WASHC3: variants seen among roughly 807,000 people sequenced by gnomAD.
The protein encoded by WASHC3 is WASH complex subunit 3, also known as WASH complex subunit CCDC53.
In WASHC3, 24 loss-of-function variants were observed where a neutral mutation model predicts 26.1. That is an observed-to-expected ratio of 0.92 (90% CI 0.66 to 1.29). WASHC3 has a LOEUF of 1.29. Among genes scored for constraint, WASHC3 ranks in the 50% most tolerant of loss-of-function variants. The pLI, the probability that WASHC3 is intolerant of heterozygous loss-of-function variation, is 0.00. For missense variants in WASHC3, 214 were observed against 229.6 expected, an observed-to-expected ratio of 0.93 and a Z score of 0.44; for synonymous variants, 77 against 75.7, an observed-to-expected ratio of 1.02 and a Z score of -0.09.
intron 2 of WASHC3, 128 bp downstream of exon 2, chr12:102,061,120 C>T (rs1878792671): frequency 1.6e-6 from 1 of 641,140 alleles, no homozygotes; most frequent in East Asian, 2.7e-5. Context: ...GATGTGTTAA[C>T]ACAATTGGGT....
At chr12:102,061,836 G>T in intron 1 of WASHC3, 76 bp downstream of exon 1, 2 of 1,309,942 alleles carry the variant, frequency 1.5e-6, no homozygotes, top group Non-Finnish European at 2.1e-6. Context: ...TCGGAAGGTG[G>T]GTGTCTCCCC....
In WASHC3 at chr12:102,028,743, G is replaced by GATTATAAGAATAATAAGA. The variant is rs1249526296; in HGVS notation, c.436-2723_436-2706dup. On this transcript the variant is annotated intron_variant, in intron 5 of 6. Transcript: ENST00000240079. ...ATTTGAACATCAGCTTCATGGAATTGATTATAAGAATAATAAGAATTATAA... is the reference window on the plus strand; with the variant it reads ...ATTTGAACATCAGCTTCATGGAATTGATTATAAGAATAATAAGAATTATAAGAATAATAAGAATTATAA... Among the ~76,000 whole-genome samples the GATTATAAGAATAATAAGA allele has an allele frequency of 2.7e-5, 4 of 150,902 alleles. No homozygotes were observed. The East Asian group carries it at 7.8e-4, about 29-fold the overall frequency.
chr12:102,027,886 T>C (rs1325977257), intron 5 of WASHC3, among the ~76,000 whole-genome samples: 2 of 152,194 alleles, frequency 1.3e-5, no homozygotes, highest in East Asian at 1.9e-4. Flanking sequence ...CAGGTAAAAA[T>C]GAATACTTAA....
At chr12:102,056,659 T>C (rs1292184572) in intron 2 of WASHC3, among the ~76,000 whole-genome samples, 4 of 152,198 alleles carry the variant, frequency 2.6e-5, no homozygotes, top group Admixed American at 2.6e-4. Flanking sequence ...GCCAACAGAT[T>C]GGATAACCTA....
chr12:102,038,946 CATT>C (rs533868936), intron 5 of WASHC3, among the ~76,000 whole-genome samples: 14 of 151,150 alleles, frequency 9.3e-5, no homozygotes, highest in African/African-American at 1.9e-4. Flanking sequence ...TTTACAAAAG[CATT>C]ATTATTATTA....
In WASHC3 at chr12:102,047,048, C is replaced by T. The variant is rs149129060; in HGVS notation, c.151-929G>A. Among the ~76,000 whole-genome samples, 1,306 of 152,254 alleles carry T rather than the reference C, an allele frequency of 8.6e-3. 10 individuals carry two copies. The highest frequency in any genetic ancestry group is 0.011 in the Non-Finnish European group (770 of 68,012). ...AAACCAGATAGAAGAGCTTATCATG[C>T]TTGTTACTCTGTATAATTAAATTGT... On this transcript the variant is annotated intron_variant, in intron 2 of 6. Transcript: ENST00000240079.
At chr12:102,034,193 A>G (rs1477852972) in intron 5 of WASHC3, among the ~76,000 whole-genome samples, 2 of 152,116 alleles carry the variant, frequency 1.3e-5, no homozygotes, top group Non-Finnish European at 2.9e-5. Context: ...AGTTATACTC[A>G]AAGAATTGAA....
chr12:102,017,783 A>AT (rs1378860492), intron 6 of WASHC3: 5 of 436,878 alleles, frequency 1.1e-5, no homozygotes, highest in Admixed American at 5.2e-5. Flanking sequence ...GTCTGTCTTC[A>AT]TTTTTTTCTT....
chr12:102,020,099 A>C (rs1171561878), intron 6 of WASHC3, among the ~76,000 whole-genome samples: 1 of 152,240 alleles, frequency 6.6e-6, no homozygotes, highest in African/African-American at 2.4e-5. Context: ...CAATTCAAGC[A>C]GGGCTAGTCA....
intron 2 of WASHC3, among the ~76,000 whole-genome samples, chr12:102,049,032 A>G (rs757421113): frequency 1.3e-5 from 2 of 152,244 alleles, no homozygotes; most frequent in Non-Finnish European, 2.9e-5. Context: ...GGGCTGCTGA[A>G]GTTCATTTCT....
chr12:102,045,810 C>T (rs1474865831), intron 3 of WASHC3, among the ~76,000 whole-genome samples: 1 of 152,206 alleles, frequency 6.6e-6, no homozygotes, highest in East Asian at 1.9e-4. Flanking sequence ...ACATGTTACT[C>T]GCATTATGCG....
chr12:102,047,017 C>A (rs749240213), intron 2 of WASHC3, among the ~76,000 whole-genome samples: 1 of 152,076 alleles, frequency 6.6e-6, no homozygotes, highest in South Asian at 2.1e-4. Flanking sequence ...TATCAAAATG[C>A]AAGATAAACC....
At chr12:102,029,828 T>G (rs1377991051) in intron 5 of WASHC3, among the ~76,000 whole-genome samples, 1 of 152,112 alleles carries the variant, frequency 6.6e-6, no homozygotes, top group Non-Finnish European at 1.5e-5. Flanking sequence ...AATACGTTGG[T>G]GGAAAAAACT....
At chr12:102,024,435 G>A (rs1877089873) in intron 6 of WASHC3, among the ~76,000 whole-genome samples, 1 of 152,216 alleles carries the variant, frequency 6.6e-6, no homozygotes. Context: ...ATGGTGAGAT[G>A]TGAGAGATAT....
intron 2 of WASHC3, among the ~76,000 whole-genome samples, chr12:102,052,586 C>A (rs1266655635): frequency 6.7e-6 from 1 of 150,196 alleles, no homozygotes; most frequent in Non-Finnish European, 1.5e-5. Flanking sequence ...TGGACCAATC[C>A]CAGCACAGGG....
At chr12:102,042,762 G>C (rs1339033637) in intron 4 of WASHC3, among the ~76,000 whole-genome samples, 1 of 152,132 alleles carries the variant, frequency 6.6e-6, no homozygotes, top group South Asian at 2.1e-4. Flanking sequence ...CCTGTGAAAA[G>C]TGCCTCCAGG....
chr12:102,058,161 T>C (rs1878666465), intron 2 of WASHC3, among the ~76,000 whole-genome samples: 1 of 152,116 alleles, frequency 6.6e-6, no homozygotes, highest in African/African-American at 2.4e-5. Flanking sequence ...TTTTCACAGA[T>C]GTTAAGAATA....
chr12:102,029,274 A>T (rs1374287983), intron 5 of WASHC3, among the ~76,000 whole-genome samples: 2 of 152,192 alleles, frequency 1.3e-5, no homozygotes, highest in Non-Finnish European at 2.9e-5. Flanking sequence ...GACAAGAAAG[A>T]CCTCAAAACT....
In WASHC3 at chr12:102,013,115, C is replaced by G; in HGVS notation, c.578G>C (p.Ser193Thr). The change falls in exon 7 of 7, where the codon AGT (serine) becomes ACT (threonine). Residue 193 changes from serine to threonine, a missense_variant. Coordinates refer to ENST00000240079, the MANE Select transcript of WASHC3 (RefSeq NM_016053.4). Reference sequence around the variant, plus strand: ...TTCTTATCAAAATTAAGCTTAATCACTAAAAGAAGATTCGCTATCTGAACT... The same window carrying G: ...TTCTTATCAAAATTAAGCTTAATCAGTAAAAGAAGATTCGCTATCTGAACT... ...EESSDSESSF[S>T]D 6.8e-7 allele frequency: 1 copy of G among 1,470,262 alleles called. No individual in the cohort carries two copies. The highest frequency in any genetic ancestry group is 9.3e-7 in the Non-Finnish European group (1 of 1,071,486). 91.1% of individuals were successfully genotyped at this position (1,470,262 alleles called of 1,614,324 possible).
Sources: allele counts gnomAD v4.1 joint callset (sites outside exome capture counted in the v4.1 genomes callset), GRCh38; gene constraint gnomAD v4.1.1; transcripts MANE v1.5; gene names NCBI Gene and HGNC (gene_info 2026-07-23, HGNC 2026-07-21).